RUFY1: variants seen among roughly 807,000 people sequenced by gnomAD.
RUFY1 encodes RUN and FYVE domain containing 1, also known as RUN and FYVE domain-containing protein 1.
RUFY1 carries 54 observed loss-of-function variants against 94.6 expected under a neutral mutation model. The observed-to-expected ratio is 0.57, with a 90% confidence interval of 0.46 to 0.72. The LOEUF (loss-of-function observed/expected upper bound fraction) is 0.72. Ranked by LOEUF, RUFY1 falls within the 30% of genes least tolerant of loss-of-function variation. The pLI, the probability that RUFY1 is intolerant of heterozygous loss-of-function variation, is 0.00. For missense variants in RUFY1, 883 were observed against 883.9 expected, an observed-to-expected ratio of 1.00 and a Z score of 0.01; for synonymous variants, 396 against 347.3, an observed-to-expected ratio of 1.14 and a Z score of -1.56.
chr5:179,586,623 A>C (rs1764624629), intron 8 of RUFY1: 1 of 345,108 alleles, frequency 2.9e-6, no homozygotes, highest in Non-Finnish European at 5.8e-6. Flanking sequence ...GACCCCGTGT[A>C]AGCCTCCCTT....
rs376028685 is a variant in RUFY1 at position 179,609,367 on chromosome 5, G to T, written c.1984-9G>T. On this transcript the variant is annotated splice_polypyrimidine_tract_variant and intron_variant, in intron 17 of 17. Transcript: ENST00000319449. ...GGTGTCCTGTGACCGCCTTCTTCCC[G>T]TCCTGTAGCACCACTGCCGGAACTG... The T allele has an allele frequency of 6.2e-7, 1 of 1,612,472 alleles. No individual in the cohort carries two copies. Among genetic ancestry groups the T allele is most frequent in the Admixed American group, 1.7e-5 (1 of 59,904 alleles).
At chr5:179,563,133 T>C (rs1216159384) in intron 3 of RUFY1, among the ~76,000 whole-genome samples, 1 of 152,102 alleles carries the variant, frequency 6.6e-6, no homozygotes, top group Non-Finnish European at 1.5e-5. Context: ...AGAACACAAA[T>C]AAGTCATCTT....
At chr5:179,580,868 A>T in intron 6 of RUFY1, 79 bp from the exon 7 acceptor site, 1 of 772,110 alleles carries the variant, frequency 1.3e-6, no homozygotes, top group Non-Finnish European at 2.2e-6. Flanking sequence ...CTACAAGGTG[A>T]TTGGAATATT....
chr5:179,564,159 G>C (rs1762651502), intron 3 of RUFY1, among the ~76,000 whole-genome samples: 1 of 134,350 alleles, frequency 7.4e-6, no homozygotes, highest in South Asian at 2.3e-4. Flanking sequence ...CGCTCTTGTT[G>C]CCCAGGCTGG....
At chr5:179,577,699 T>A (rs909836882) in intron 6 of RUFY1, among the ~76,000 whole-genome samples, 2 of 148,682 alleles carry the variant, frequency 1.3e-5, no homozygotes, top group African/African-American at 5.1e-5. Context: ...GACTGTGTGA[T>A]TGGGCCCGGT....
chr5:179,605,744 T>C, intron 15 of RUFY1, 132 bp from the exon 16 acceptor site: 3 of 723,218 alleles, frequency 4.1e-6, no homozygotes, highest in Non-Finnish European at 7.4e-6. Flanking sequence ...GAAGGCATTT[T>C]AACAACTCAC....
chr5:179,559,568 C>T, intron 1 of RUFY1: 2 of 716,870 alleles, frequency 2.8e-6, no homozygotes, highest in African/African-American at 3.8e-5. Flanking sequence ...CGCCCACCAG[C>T]TCCGTAGGAG....
Position 179,550,805 on chromosome 5 carries a change from C to A in RUFY1, c.236C>A (p.Ala79Glu). 1 of 1,318,006 alleles carries A rather than the reference C, an allele frequency of 7.6e-7. No homozygotes were observed. The highest frequency in any genetic ancestry group is 9.7e-7 in the Non-Finnish European group (1 of 1,033,044). 81.6% of individuals were successfully genotyped at this position (1,318,006 alleles called of 1,614,324 possible). Residue 79 changes from alanine to glutamate, a missense_variant, in exon 1 of 18, where the codon GCG (alanine) becomes GAG (glutamate). Physicochemically the swap from Ala to Glu is moderately radical, Grantham distance 107. Transcript: ENST00000319449. ...LARRATGNLS[A>E]SCGSALRAAA... Reference sequence around the variant, plus strand: ...CGCAGGGCCACCGGGAACCTGTCGGCGAGCTGCGGGAGCGCGCTGCGCGCG... The same window carrying A: ...CGCAGGGCCACCGGGAACCTGTCGGAGAGCTGCGGGAGCGCGCTGCGCGCG...
At chr5:179,561,130 G>T (rs1762421070) in intron 2 of RUFY1, among the ~76,000 whole-genome samples, 1 of 152,216 alleles carries the variant, frequency 6.6e-6, no homozygotes. Context: ...AGAATCTCTT[G>T]AACCCAGGAG....
At position 179,598,813 on chromosome 5, in the gene RUFY1, C is replaced by A; in HGVS notation, c.1753C>A (p.Leu585Met). 6.2e-7 allele frequency: 1 copy of A among 1,614,088 alleles called. No individual in the cohort carries two copies. The highest frequency in any genetic ancestry group is 8.5e-7 in the Non-Finnish European group (1 of 1,180,028). Residue 585 changes from leucine to methionine, a missense_variant, in exon 14 of 18, where the codon CTG (leucine) becomes ATG (methionine). By Grantham distance (15) the Leu-to-Met change is conservative. Transcript: ENST00000319449. ...LRMELQQVEG[L>M]KKELRELQDE... Reference sequence around the variant, plus strand: ...GATGGAGCTGCAACAAGTGGAAGGACTGAAAAAGGTGAGGTGGGCCATCCC... The same window carrying A: ...GATGGAGCTGCAACAAGTGGAAGGAATGAAAAAGGTGAGGTGGGCCATCCC...
intron 3 of RUFY1, among the ~76,000 whole-genome samples, chr5:179,565,422 A>T (rs937124115): frequency 7.3e-5 from 11 of 151,272 alleles, no homozygotes; most frequent in African/African-American, 9.7e-5. Context: ...CAGGTGATCC[A>T]CCCCACTTGG....
Position 179,609,585 on chromosome 5 carries a change from G to A in RUFY1, c.*66G>A. On this transcript the variant is annotated 3_prime_UTR_variant, in exon 18 of 18. Transcript: ENST00000319449. ...ACCCTGTGGGTCTCCAGGGGCTTGGGAAATGTGTTCTTTCCCAAGAGTATC... is the reference window on the plus strand; with the variant it reads ...ACCCTGTGGGTCTCCAGGGGCTTGGAAAATGTGTTCTTTCCCAAGAGTATC... 1 of 1,405,366 alleles carries A rather than the reference G, an allele frequency of 7.1e-7. No homozygotes were observed. The highest frequency in any genetic ancestry group is 9.5e-7 in the Non-Finnish European group (1 of 1,055,758). The allele number at this position is 1,405,366 out of a possible 1,614,324, so 87.1% of individuals were successfully genotyped here. A position where few individuals can be genotyped will look rare whatever the true frequency, so the allele number is the denominator to read the frequency against.
At position 179,562,549 on chromosome 5, in the gene RUFY1, A is replaced by T. The variant is rs1204115372; in HGVS notation, c.487A>T (p.Lys163Ter). ...EHCLKHGLKV[K>*]KSFIGQNKSF... ...AACACTTTTGTTTTTCCTTTTAGTT[A>T]AGAAGAGTTTTATTGGCCAAAATAA... The change falls in exon 3 of 18, where the codon AAG becomes TAG. Residue 163 changes from lysine to a stop codon, truncating the protein, a stop_gained and splice_region_variant. Coordinates refer to ENST00000319449, the MANE Select transcript of RUFY1 (RefSeq NM_025158.5). LOFTEE classifies it high-confidence loss of function. The T allele has an allele frequency of 6.3e-7, 1 of 1,585,174 alleles. No individual in the cohort carries two copies. Among genetic ancestry groups the T allele is most frequent in the African/African-American group, 1.3e-5 (1 of 74,220 alleles).
intron 1 of RUFY1, among the ~76,000 whole-genome samples, chr5:179,557,037 C>G (rs1487550548): frequency 6.6e-6 from 1 of 152,140 alleles, no homozygotes; most frequent in African/African-American, 2.4e-5. Context: ...TATTTTCATT[C>G]AAAGCAAATA....
chr5:179,605,827 A>AGG, intron 15 of RUFY1, 49 bp from the exon 16 acceptor site: 7 of 1,104,812 alleles, frequency 6.3e-6, no homozygotes, highest in Non-Finnish European at 9.6e-6. Context: ...AGGGATTCAG[A>AGG]GCCTCACTCT....
intron 7 of RUFY1, among the ~76,000 whole-genome samples, chr5:179,582,290 TC>T (rs1415179627): frequency 6.6e-6 from 1 of 152,042 alleles, no homozygotes; most frequent in African/African-American, 2.4e-5. Context: ...TGTGGTACAA[TC>T]GTGGCTCACT....
intron 1 of RUFY1, among the ~76,000 whole-genome samples, chr5:179,552,374 C>T (rs533556766): frequency 1.3e-5 from 2 of 152,224 alleles, no homozygotes; most frequent in East Asian, 1.9e-4. Context: ...TTCCTGATTC[C>T]TCCCCATCCA....
intron 4 of RUFY1, among the ~76,000 whole-genome samples, chr5:179,568,595 AT>A (rs1265923780): frequency 6.6e-6 from 1 of 152,184 alleles, no homozygotes; most frequent in African/African-American, 2.4e-5. Flanking sequence ...GTATTTTTCA[AT>A]TTTTTATTTA....
At chr5:179,592,341 A>ATC (rs2127556106) in intron 10 of RUFY1, among the ~76,000 whole-genome samples, 1 of 152,250 alleles carries the variant, frequency 6.6e-6, no homozygotes, top group African/African-American at 2.4e-5. Context: ...GATGTTCTCC[A>ATC]TCTCCTGACT....
Sources: allele counts gnomAD v4.1 joint callset (sites outside exome capture counted in the v4.1 genomes callset), GRCh38; gene constraint gnomAD v4.1.1; transcripts MANE v1.5; gene names NCBI Gene and HGNC (gene_info 2026-07-23, HGNC 2026-07-21).